EPB41L4A: variants seen among roughly 807,000 people sequenced by gnomAD.
EPB41L4A encodes the protein erythrocyte membrane protein band 4.1 like 4A.
In EPB41L4A, 100 loss-of-function variants were observed where a neutral mutation model predicts 108.6. That is an observed-to-expected ratio of 0.92 (90% CI 0.78 to 1.09). The LOEUF (loss-of-function observed/expected upper bound fraction) is 1.09, where lower values mean the gene tolerates loss of function less well. Ranked by LOEUF, EPB41L4A falls within the 50% of genes least tolerant of loss-of-function variation. The probability of loss-of-function intolerance (pLI) is 0.00; values close to 1 mark genes in which losing one functional copy is unlikely to be tolerated. For missense variants in EPB41L4A, 1,030 were observed against 842.7 expected (o/e 1.22, Z -2.75); for synonymous variants, 319 against 289.0 (o/e 1.10, Z -1.05).
At chr5:112,172,129 A>G (rs77689524) in intron 18 of EPB41L4A, among the ~76,000 whole-genome samples, 9,222 of 152,222 alleles carry the variant, frequency 0.061, 930 homozygotes, top group African/African-American at 0.21. Flanking sequence ...TCAACTCAGG[A>G]TGAGACAAAA....
At chr5:112,399,722 C>A (rs1761611565) in intron 1 of EPB41L4A, among the ~76,000 whole-genome samples, 1 of 152,198 alleles carries the variant, frequency 6.6e-6, no homozygotes, top group Non-Finnish European at 1.5e-5. Context: ...CACATCACGT[C>A]TTAAATCCCC....
At chr5:112,212,081 C>T (rs1762772073) in intron 12 of EPB41L4A, among the ~76,000 whole-genome samples, 1 of 152,208 alleles carries the variant, frequency 6.6e-6, no homozygotes, top group African/African-American at 2.4e-5. Flanking sequence ...CAAACGTCAG[C>T]AGTGGCCAGT....
intron 1 of EPB41L4A, among the ~76,000 whole-genome samples, chr5:112,334,746 A>AC (rs1408847512): frequency 6.6e-6 from 1 of 151,886 alleles, no homozygotes; most frequent in African/African-American, 2.4e-5. Flanking sequence ...TAACCCAACC[A>AC]CCTTGGGCGC....
At chr5:112,264,474 G>A (rs549603985) in intron 6 of EPB41L4A, 1 of 152,634 alleles carries the variant, frequency 6.6e-6, no homozygotes, top group African/African-American at 2.4e-5. Flanking sequence ...GTTAAAAATT[G>A]TTGTGATTAA....
At chr5:112,321,425 A>G (rs1006050928) in intron 1 of EPB41L4A, among the ~76,000 whole-genome samples, 6 of 152,222 alleles carry the variant, frequency 3.9e-5, no homozygotes, top group Non-Finnish European at 8.8e-5. Flanking sequence ...AGGAAAGCAG[A>G]GGGATGCTCT....
chr5:112,417,916 A>C (rs1180056521), intron 1 of EPB41L4A, among the ~76,000 whole-genome samples: 1 of 152,216 alleles, frequency 6.6e-6, no homozygotes, highest in Non-Finnish European at 1.5e-5. Context: ...AAAACTATGT[A>C]AAAACTGATT....
intron 15 of EPB41L4A, among the ~76,000 whole-genome samples, chr5:112,200,509 C>T (rs1762167526): frequency 6.6e-6 from 1 of 152,142 alleles, no homozygotes; most frequent in African/African-American, 2.4e-5. Flanking sequence ...TCCTATGACT[C>T]ATGTATTTAT....
chr5:112,339,486 ATATATATATC>A lies in EPB41L4A; in HGVS notation c.100-32006_100-31997del, dbSNP rs1359098126. Among the ~76,000 whole-genome samples the A allele has an allele frequency of 6.7e-4, 49 of 72,678 alleles. 1 individual carries two copies. The highest frequency in any genetic ancestry group is 2.2e-3 in the African/African-American group (45 of 20,818). 47.7% of individuals were successfully genotyped at this position (72,678 alleles called of 152,430 possible). ...GATATATATATATCTATATATATAT[ATATATATATC>A]TATATATATATATAGATATATAGAT... On this transcript the variant is annotated intron_variant, in intron 1 of 22. Coordinates refer to ENST00000261486, the MANE Select transcript of EPB41L4A (RefSeq NM_022140.5).
chr5:112,329,478 C>T (rs547558768), intron 1 of EPB41L4A, among the ~76,000 whole-genome samples: 1 of 152,280 alleles, frequency 6.6e-6, no homozygotes, highest in Admixed American at 6.5e-5. Flanking sequence ...TATTAACTAG[C>T]TGGGTGACCT....
At chr5:112,415,881 A>T (rs1371128515) in intron 1 of EPB41L4A, among the ~76,000 whole-genome samples, 1 of 152,218 alleles carries the variant, frequency 6.6e-6, no homozygotes, top group East Asian at 1.9e-4. Context: ...ACTTTCTGCT[A>T]TCAAGGTGAG....
At chr5:112,195,598 G>A in intron 16 of EPB41L4A, 63 bp downstream of exon 16, 1 of 1,388,296 alleles carries the variant, frequency 7.2e-7, no homozygotes, top group Non-Finnish European at 1.0e-6. Context: ...CCTTAACTCT[G>A]AGCATTTCTA....
intron 1 of EPB41L4A, among the ~76,000 whole-genome samples, chr5:112,406,481 C>G (rs367746465): frequency 6.6e-6 from 1 of 152,146 alleles, no homozygotes; most frequent in Non-Finnish European, 1.5e-5. Flanking sequence ...AGAAATTCCA[C>G]GCAAGCCATC....
In EPB41L4A at chr5:112,203,547, A is replaced by G. The variant is rs551160410; in HGVS notation, c.1376+828T>C. ...CCCAGCCTGCTTTGCAGAGAGGTCCAAAACTTCCAGCTAAGAACTTTTTAA... is the reference window on the plus strand; with the variant it reads ...CCCAGCCTGCTTTGCAGAGAGGTCCGAAACTTCCAGCTAAGAACTTTTTAA... On this transcript the variant is annotated intron_variant, in intron 15 of 22. Transcript: ENST00000261486. Among the ~76,000 whole-genome samples, 6 of 152,336 alleles carry G rather than the reference A, an allele frequency of 3.9e-5. No individual in the cohort carries two copies. In the East Asian group the frequency reaches 9.6e-4, roughly 24 times the overall value.
intron 12 of EPB41L4A, among the ~76,000 whole-genome samples, chr5:112,211,947 C>T (rs571127569): frequency 4.3e-4 from 66 of 152,208 alleles, no homozygotes; most frequent in South Asian, 8.3e-4. Context: ...GCTGGAGCCA[C>T]TACCAATAAC....
chr5:112,359,609 C>A lies in EPB41L4A; in HGVS notation c.100-52119G>T, dbSNP rs1758585303. ...AGGCTAGAGTGCAGTGGCGCGATCT[C>A]AGCTCACTGCCAGCTCCGCCTCCCG... On this transcript the variant is annotated intron_variant, in intron 1 of 22. Coordinates refer to ENST00000261486, the MANE Select transcript of EPB41L4A (RefSeq NM_022140.5). Among the ~76,000 whole-genome samples, 9 of 151,590 alleles carry A rather than the reference C, an allele frequency of 5.9e-5. No individual in the cohort carries two copies. The South Asian group carries it at 1.9e-3, about 32-fold the overall frequency.
At chr5:112,145,151 G>C (rs553297889) in intron 13 of EPB41L4A, among the ~76,000 whole-genome samples, 4 of 152,234 alleles carry the variant, frequency 2.6e-5, no homozygotes, top group African/African-American at 9.6e-5. Flanking sequence ...TTAGCCAGGC[G>C]TGGTGGCACA....
chr5:112,234,010 T>C (rs1359030753), intron 12 of EPB41L4A, among the ~76,000 whole-genome samples: 1 of 151,446 alleles, frequency 6.6e-6, no homozygotes, highest in African/African-American at 2.4e-5. Context: ...TTATGTAAAA[T>C]AAAACCCCTT....
At chr5:112,413,568 C>T (rs146690046) in intron 1 of EPB41L4A, among the ~76,000 whole-genome samples, 2 of 152,150 alleles carry the variant, frequency 1.3e-5, no homozygotes, top group Non-Finnish European at 2.9e-5. Context: ...CTGGAGGAGA[C>T]AGATGTGTCC....
At chr5:112,227,033 A>G (rs1296430066) in intron 12 of EPB41L4A, among the ~76,000 whole-genome samples, 2 of 151,274 alleles carry the variant, frequency 1.3e-5, no homozygotes, top group African/African-American at 4.8e-5. Flanking sequence ...GTAGAAACAT[A>G]GTAAGAAAGA....
Sources: gnomAD v4.1 joint callset for allele counts (sites outside exome capture counted in the v4.1 genomes callset) on GRCh38, gnomAD v4.1.1 for gene constraint, MANE v1.5 for transcripts, NCBI Gene and HGNC (gene_info 2026-07-23, HGNC 2026-07-21) for gene names.